NBEAL1: variants seen among roughly 807,000 people sequenced by gnomAD.
The protein encoded by NBEAL1 is neurobeachin-like protein 1.
A neutral mutation model predicts 351.3 loss-of-function variants in NBEAL1; 273 were observed. The observed-to-expected ratio is 0.78, with a 90% CI of 0.70 to 0.86. NBEAL1 has a LOEUF of 0.86. Among genes scored for constraint, NBEAL1 ranks in the 40% least tolerant of loss-of-function variants. The pLI is 0.00. For synonymous variants in NBEAL1, 1,050 were observed against 1,086.4 expected (o/e 0.97, Z 0.66); for missense variants, 2,961 against 3,201.3 (o/e 0.92, Z 1.81).
chr2:203,087,305 C>G (rs2061983370), intron 10 of NBEAL1, among the ~76,000 whole-genome samples: 1 of 151,502 alleles, frequency 6.6e-6, no homozygotes, highest in African/African-American at 2.4e-5. Flanking sequence ...CTTGGCCAGG[C>G]TGGTCTGGAA....
At chr2:203,110,771 T>C (rs1445482160) in intron 15 of NBEAL1, among the ~76,000 whole-genome samples, 3 of 140,244 alleles carry the variant, frequency 2.1e-5, no homozygotes, top group Non-Finnish European at 4.7e-5. Context: ...TTTTTTCTTT[T>C]TTTTTTTTTT....
rs757670278 is a variant in NBEAL1, at chr2:203,172,058, G to A, written c.6198+35G>A. On this transcript the variant is annotated intron_variant, in intron 40 of 55. Transcript: ENST00000683969. ...GCATAAACCTTATAAATGTGGAATT[G>A]CCCTACAGTTTTATAAATCACATAA... The A allele has an allele frequency of 8.7e-6, 11 of 1,270,242 alleles. No homozygotes were observed. The African/African-American group carries it at 1.5e-4, about 17-fold the overall frequency. 78.7% of individuals were successfully genotyped at this position (1,270,242 alleles called of 1,614,324 possible).
At chr2:203,174,894 T>TAAAA (rs77675245) in intron 41 of NBEAL1, among the ~76,000 whole-genome samples, 2 of 125,072 alleles carry the variant, frequency 1.6e-5, no homozygotes, top group African/African-American at 5.7e-5. Context: ...AATAAATAAA[T>TAAAA]AAAAATAAAA....
chr2:203,148,071 A>G (rs2063554462), intron 33 of NBEAL1, among the ~76,000 whole-genome samples: 1 of 152,054 alleles, frequency 6.6e-6, no homozygotes, highest in Non-Finnish European at 1.5e-5. Context: ...ATATTTAGTA[A>G]CATTGTATTC....
intron 34 of NBEAL1, among the ~76,000 whole-genome samples, chr2:203,150,349 A>G (rs1389932523): frequency 1.3e-5 from 2 of 152,050 alleles, no homozygotes; most frequent in African/African-American, 4.8e-5. Context: ...TCATTTTTAC[A>G]TCTTCTTTGA....
At chr2:203,199,507 A>G in intron 49 of NBEAL1, 60 bp downstream of exon 49, 1 of 820,578 alleles carries the variant, frequency 1.2e-6, no homozygotes, top group Non-Finnish European at 2.0e-6. Flanking sequence ...GCCAGGAAAA[A>G]AACTAGATTA....
chr2:203,025,416 C>A (rs1174154363), intron 2 of NBEAL1, among the ~76,000 whole-genome samples: 1 of 152,126 alleles, frequency 6.6e-6, no homozygotes, highest in Non-Finnish European at 1.5e-5. Context: ...GTTTTAGAAA[C>A]AAGTCTTGAA....
intron 44 of NBEAL1, 76 bp downstream of exon 44, chr2:203,183,464 A>G: frequency 3.7e-6 from 3 of 815,558 alleles, no homozygotes; most frequent in South Asian, 3.7e-5. Flanking sequence ...GGATAATCTG[A>G]CTTAGTTATT....
chr2:203,027,640 C>T (rs2060880457), intron 2 of NBEAL1, among the ~76,000 whole-genome samples: 2 of 152,232 alleles, frequency 1.3e-5, no homozygotes, highest in Middle Eastern at 3.4e-3. Flanking sequence ...TGATTTTTGT[C>T]TGTTCAAAAT....
chr2:203,057,415 A>G lies in NBEAL1; in HGVS notation c.477A>G (p.Leu159=). 2 of 1,552,660 alleles carry G rather than the reference A, an allele frequency of 1.3e-6. No individual in the cohort carries two copies. The highest frequency in any genetic ancestry group is 1.7e-6 in the Non-Finnish European group (2 of 1,146,638). Residue 159 remains leucine (L), a synonymous_variant, in exon 6 of 56, where the codon TTA becomes TTG. Transcript: ENST00000683969. ...VIHALAFCES[L]YDPYRNWRHR... ...ACGCATTGGCATTTTGTGAAAGCTTATATGATCCATATCGGAATTGGAGAC... is the reference window on the plus strand; with the variant it reads ...ACGCATTGGCATTTTGTGAAAGCTTGTATGATCCATATCGGAATTGGAGAC...
intron 51 of NBEAL1, among the ~76,000 whole-genome samples, chr2:203,206,375 TCTCTCC>T (rs746659496): frequency 7.1e-4 from 108 of 151,962 alleles, no homozygotes; most frequent in African/African-American, 1.1e-3. Flanking sequence ...AGAAAGCATG[TCTCTCC>T]CTCTCCCTCT....
chr2:203,073,383 T>C (rs1226382582), intron 7 of NBEAL1, among the ~76,000 whole-genome samples: 1 of 152,260 alleles, frequency 6.6e-6, no homozygotes, highest in Non-Finnish European at 1.5e-5. Flanking sequence ...TCATGTATCC[T>C]TCTTAAATCT....
At chr2:203,143,730 T>A (rs891994594) in intron 31 of NBEAL1, among the ~76,000 whole-genome samples, 11 of 152,194 alleles carry the variant, frequency 7.2e-5, no homozygotes, top group African/African-American at 2.7e-4. Context: ...CTATATATCT[T>A]GAATAGTGAC....
chr2:203,025,722 G>A lies in NBEAL1; in HGVS notation c.51+9287G>A, dbSNP rs564552400. Among the ~76,000 whole-genome samples the A allele has an allele frequency of 7.0e-4, 106 of 152,288 alleles. 1 individual carries two copies. The South Asian group carries it at 9.3e-3, about 13-fold the overall frequency. ...GTGGTTTTTCTTGATATTATGGTCT[G>A]TGAACTCAGAGGACACTTGGTATCT... On this transcript the variant is annotated intron_variant, in intron 2 of 55. Transcript: ENST00000683969.
intron 12 of NBEAL1, 21 bp downstream of exon 12, chr2:203,099,733 C>CTTT: frequency 9.9e-6 from 12 of 1,208,242 alleles, no homozygotes; most frequent in East Asian, 3.0e-5. Context: ...TATCCTCCAG[C>CTTT]TTTTTTTTTT....
At chr2:203,190,484 C>A in intron 46 of NBEAL1, 95 bp downstream of exon 46, 2 of 840,822 alleles carry the variant, frequency 2.4e-6, no homozygotes, top group Non-Finnish European at 3.8e-6. Flanking sequence ...TGTATATAGC[C>A]AGTTACTCTC....
At chr2:203,205,451 A>G (rs1159408730) in intron 51 of NBEAL1, among the ~76,000 whole-genome samples, 1 of 152,224 alleles carries the variant, frequency 6.6e-6, no homozygotes, top group African/African-American at 2.4e-5. Context: ...CAATACCATT[A>G]GCTAATCCAC....
In NBEAL1 at chr2:203,208,619, T is replaced by G. The variant is rs1219649189; in HGVS notation, c.7507-18T>G. ...ACAAGAAACCACCTTTACCTTTGCT[T>G]TTCTCTTGTATTATTAGGGAGGTGT... On this transcript the variant is annotated intron_variant, in intron 51 of 55. Transcript: ENST00000683969. 5.1e-6 allele frequency: 8 copies of G among 1,566,578 alleles called. No individual in the cohort carries two copies. The highest frequency in any genetic ancestry group is 7.0e-6 in the Non-Finnish European group (8 of 1,144,318).
chr2:203,173,923 G>A (rs1188545884), intron 41 of NBEAL1, among the ~76,000 whole-genome samples: 1 of 151,896 alleles, frequency 6.6e-6, no homozygotes, highest in African/African-American at 2.4e-5. Context: ...TTGAAATTCA[G>A]TGTTTATGGC....
Sources: gnomAD v4.1 joint callset for allele counts (sites outside exome capture counted in the v4.1 genomes callset) on GRCh38, gnomAD v4.1.1 for gene constraint, MANE v1.5 for transcripts, NCBI Gene and HGNC (gene_info 2026-07-23, HGNC 2026-07-21) for gene names.